MIIP: variants seen among roughly 807,000 people sequenced by gnomAD.
MIIP encodes the protein migration and invasion-inhibitory protein.
Under a neutral mutation model 44.8 loss-of-function variants are expected in MIIP, and 44 were observed. That is an observed-to-expected ratio of 0.98 (90% CI 0.77 to 1.26). MIIP has a LOEUF of 1.26. Among genes scored for constraint, MIIP ranks in the 50% most tolerant of loss-of-function variants. The probability of loss-of-function intolerance (pLI) is 0.00; values close to 1 mark genes in which losing one functional copy is unlikely to be tolerated. For synonymous variants in MIIP, 225 were observed against 218.3 expected (o/e 1.03, Z -0.27); for missense variants, 496 against 511.7 (o/e 0.97, Z 0.30).
At chr1:12,029,363 T>G in intron 6 of MIIP, 82 bp downstream of exon 6, 1 of 1,457,342 alleles carries the variant, frequency 6.9e-7, no homozygotes, top group East Asian at 2.5e-5. Context: ...GCAGTCCCAT[T>G]TGAGGTTTGG....
At position 12,029,243 on chromosome 1, in the gene MIIP, G is replaced by T; in HGVS notation, c.677G>T (p.Arg226Leu). 1 of 1,613,690 alleles carries T rather than the reference G, an allele frequency of 6.2e-7. No individual in the cohort carries two copies. Among genetic ancestry groups the T allele is most frequent in the Non-Finnish European group, 8.5e-7 (1 of 1,179,880 alleles). ...SHPEPQLPGL[R>L]ESSGSGVEED... ...CTCAGACCCCAGTTGCCAGGCCTGC[G>T]TGAGAGCAGTGGCAGCGGCGTGGAG... The change falls in exon 6 of 10, where the codon CGT becomes CTT. Residue 226 changes from arginine (R) to leucine (L), a missense_variant. Arg to Leu is a moderately radical substitution (Grantham distance 102, BLOSUM62 -2). Coordinates refer to ENST00000235332, the MANE Select transcript of MIIP (RefSeq NM_021933.4).
At position 12,031,348 on chromosome 1, in the gene MIIP, T is replaced by C. The variant is rs1640237180; in HGVS notation, c.1025T>C (p.Val342Ala). The C allele has an allele frequency of 1.9e-6, 3 of 1,613,926 alleles. No homozygotes were observed. The highest frequency in any genetic ancestry group is 2.5e-6 in the Non-Finnish European group (3 of 1,179,926). Residue 342 changes from valine (V) to alanine (A), a missense_variant, in exon 9 of 10, where the codon GTC becomes GCC. Physicochemically the swap from Val to Ala is moderately conservative, Grantham distance 64 (BLOSUM62 0). Transcript: ENST00000235332. Reference sequence around the variant, plus strand: ...AGGAACCTGGACCTCTGGTCCTCTGTCTCCGCTGAGGCCCAGCACCAGAAG... The same window carrying C: ...AGGAACCTGGACCTCTGGTCCTCTGCCTCCGCTGAGGCCCAGCACCAGAAG... ...APRNLDLWSS[V>A]SAEAQHQKLS...
intron 4 of MIIP, among the ~76,000 whole-genome samples, chr1:12,027,613 C>T (rs1223257782): frequency 3.3e-5 from 5 of 152,092 alleles, no homozygotes; most frequent in Non-Finnish European, 5.9e-5. Context: ...GACTCCTCCT[C>T]TCTATCTTCC....
chr1:12,027,073 A>G (rs1372970926), intron 4 of MIIP, among the ~76,000 whole-genome samples: 2 of 140,130 alleles, frequency 1.4e-5, no homozygotes, highest in Admixed American at 1.5e-4. Context: ...TGGAGCAGTG[A>G]TCTCAGCTCA....
intron 8 of MIIP, 154 bp from the exon 9 acceptor site, chr1:12,031,112 G>C: frequency 1.1e-6 from 1 of 876,206 alleles, no homozygotes; most frequent in Non-Finnish European, 1.7e-6. Context: ...ATAAGAAAGG[G>C]GAGAGCTGGG....
chr1:12,020,844 C>T (rs1490961860), intron 1 of MIIP, among the ~76,000 whole-genome samples: 2 of 151,960 alleles, frequency 1.3e-5, no homozygotes, highest in Admixed American at 6.6e-5. Context: ...CCACCACGCC[C>T]GGCTAATTTT....
At chr1:12,024,574 C>T (rs1173412940) in intron 4 of MIIP, among the ~76,000 whole-genome samples, 2 of 152,088 alleles carry the variant, frequency 1.3e-5, no homozygotes, top group Non-Finnish European at 2.9e-5. Context: ...CCACCACACC[C>T]GGCTAATTTT....
At chr1:12,025,208 C>T (rs370565891) in intron 4 of MIIP, among the ~76,000 whole-genome samples, 35 of 151,362 alleles carry the variant, frequency 2.3e-4, no homozygotes, top group African/African-American at 7.3e-4. Context: ...TACAGGTGTG[C>T]GCCACCACAC....
chr1:12,030,308 C>T (rs1436657259), intron 8 of MIIP, among the ~76,000 whole-genome samples, 184 bp downstream of exon 8: 1 of 152,176 alleles, frequency 6.6e-6, no homozygotes, highest in Non-Finnish European at 1.5e-5. Flanking sequence ...ACCCCCGCTC[C>T]ACGTACCCCG....
chr1:12,022,794 C>T (rs758788436), intron 3 of MIIP, 39 bp from the exon 4 acceptor site: 11 of 1,524,950 alleles, frequency 7.2e-6, no homozygotes, highest in Non-Finnish European at 9.9e-6. Context: ...GGCCAGGCCT[C>T]TTGGCTTAGT....
chr1:12,022,898 G>C lies in MIIP; in HGVS notation c.528G>C (p.Leu176=), dbSNP rs1467115352. 1 of 1,610,198 alleles carries C rather than the reference G, an allele frequency of 6.2e-7. No homozygotes were observed. Among genetic ancestry groups the C allele is most frequent in the East Asian group, 2.2e-5 (1 of 44,750 alleles). ...PKRSWRLRPY[L]GYDWIAGSLD... ...GGAGCTGGCGCCTCAGGCCATACCT[G>C]GGCTATGACTGGATTGCAGGTAAGG... Residue 176 remains leucine, a synonymous_variant, in exon 4 of 10, where the codon CTG becomes CTC. Coordinates refer to ENST00000235332, the MANE Select transcript of MIIP (RefSeq NM_021933.4).
chr1:12,021,933 A>G (rs891435473), intron 2 of MIIP, 93 bp downstream of exon 2: 2 of 1,250,030 alleles, frequency 1.6e-6, no homozygotes, highest in African/African-American at 3.0e-5. Flanking sequence ...CAATACACCC[A>G]TTTTACTGAT....
intron 8 of MIIP, 47 bp from the exon 9 acceptor site, chr1:12,031,219 G>A: frequency 6.3e-7 from 1 of 1,585,864 alleles, no homozygotes; most frequent in South Asian, 1.1e-5. Flanking sequence ...CCAGTCAGCG[G>A]GGAGCTTGTC....
rs1212686674 is a variant in MIIP at position 12,031,559 on chromosome 1, T to G, written c.1080+156T>G. 6.3e-6 allele frequency: 10 copies of G among 1,587,116 alleles called. No individual in the cohort carries two copies. In the African/African-American group the frequency reaches 1.3e-4, roughly 21 times the overall value. ...TCTGCAGGGTCCAGCCCTCCAGCCC[T>G]GACCCTAGCCATCCCTCGGAACTCC... On this transcript the variant is annotated intron_variant, in intron 9 of 9. Transcript: ENST00000235332.
At chr1:12,025,590 G>A (rs1453081038) in intron 4 of MIIP, among the ~76,000 whole-genome samples, 2 of 152,094 alleles carry the variant, frequency 1.3e-5, no homozygotes, top group Non-Finnish European at 2.9e-5. Flanking sequence ...CCTCCCCATG[G>A]GCTTTTCCCA....
At chr1:12,030,840 C>T (rs891025693) in intron 8 of MIIP, among the ~76,000 whole-genome samples, 5 of 152,086 alleles carry the variant, frequency 3.3e-5, no homozygotes, top group Admixed American at 6.5e-5. Context: ...GCAACTCCCC[C>T]TGACTCCTAA....
chr1:12,031,484 C>T, intron 9 of MIIP, 81 bp downstream of exon 9: 1 of 1,568,374 alleles, frequency 6.4e-7, no homozygotes, highest in East Asian at 2.3e-5. Context: ...ACTGCAGAGC[C>T]TCCTGGGGGG....
Position 12,029,971 on chromosome 1 carries a change from G to C in MIIP, c.846-57G>C, listed in dbSNP as rs930691592. Reference sequence around the variant, plus strand: ...GTTTTAAGAAAAGATGGGCCTGGGCGTGGGCCCCCAACCGCTGGGAGGCTC... The same window carrying C: ...GTTTTAAGAAAAGATGGGCCTGGGCCTGGGCCCCCAACCGCTGGGAGGCTC... On this transcript the variant is annotated intron_variant, in intron 7 of 9. Transcript: ENST00000235332. 3 of 1,609,064 alleles carry C rather than the reference G, an allele frequency of 1.9e-6. No homozygotes were observed. The African/African-American group carries it at 4.0e-5, about 21-fold the overall frequency.
At chr1:12,030,001 G>A in intron 7 of MIIP, 27 bp from the exon 8 acceptor site, 1 of 1,612,156 alleles carries the variant, frequency 6.2e-7, no homozygotes, top group Non-Finnish European at 8.5e-7. Context: ...AGGCTCCTCA[G>A]GGGTCCCCCA....
Sources: gnomAD v4.1 joint callset for allele counts (sites outside exome capture counted in the v4.1 genomes callset) on GRCh38, gnomAD v4.1.1 for gene constraint, MANE v1.5 for transcripts, NCBI Gene and HGNC (gene_info 2026-07-23, HGNC 2026-07-21) for gene names.